Variants in ZFYVE9 observed in about 807,000 individuals in gnomAD.
The protein encoded by ZFYVE9 is zinc finger FYVE-type containing 9.
ZFYVE9 carries 43 observed loss-of-function variants against 126.7 expected under a neutral mutation model. The observed-to-expected ratio is 0.34, with a 90% CI of 0.27 to 0.44. ZFYVE9 has a LOEUF of 0.44. Ranked by LOEUF, ZFYVE9 falls within the 20% of genes least tolerant of loss-of-function variation. The pLI, the probability that ZFYVE9 is intolerant of heterozygous loss-of-function variation, is 1.00. For synonymous variants in ZFYVE9, 521 were observed against 597.4 expected (o/e 0.87, Z 1.87); for missense variants, 1,476 against 1,697.0 (o/e 0.87, Z 2.29).
intron 1 of ZFYVE9, among the ~76,000 whole-genome samples, chr1:52,145,879 A>T (rs1354414632): frequency 2.6e-5 from 4 of 152,082 alleles, no homozygotes; most frequent in African/African-American, 9.7e-5. Context: ...TATATAGGGT[A>T]CACTTGTTGC....
intron 1 of ZFYVE9, among the ~76,000 whole-genome samples, chr1:52,195,064 C>G (rs1644847886): frequency 6.6e-6 from 1 of 152,178 alleles, no homozygotes; most frequent in Non-Finnish European, 1.5e-5. Flanking sequence ...ACCTATACCT[C>G]TCTCCCTGCT....
chr1:52,180,516 G>C, intron 1 of ZFYVE9: 1 of 757,740 alleles, frequency 1.3e-6, no homozygotes, highest in Non-Finnish European at 2.3e-6. Flanking sequence ...GCAATGCTCT[G>C]TCCCCATGAA....
At chr1:52,213,583 T>C (rs905069258) in intron 1 of ZFYVE9, among the ~76,000 whole-genome samples, 3 of 151,230 alleles carry the variant, frequency 2.0e-5, no homozygotes, top group Non-Finnish European at 4.4e-5. Context: ...ACCCGGGAGG[T>C]GGAGGTTGCA....
At position 52,346,199 on chromosome 1, in the gene ZFYVE9, A is replaced by G; in HGVS notation, c.4256A>G (p.Tyr1419Cys). 2 of 1,604,050 alleles carry G rather than the reference A, an allele frequency of 1.2e-6. No homozygotes were observed. Among genetic ancestry groups the G allele is most frequent in the Non-Finnish European group, 1.7e-6 (2 of 1,174,922 alleles). ...EGPVVMELIF[Y>C]ILENIV ...CCCGTTGTCATGGAACTCATCTTTTATATTCTGGAAAACATCGTATAAACA... is the reference window on the plus strand; with the variant it reads ...CCCGTTGTCATGGAACTCATCTTTTGTATTCTGGAAAACATCGTATAAACA... Residue 1419 changes from tyrosine to cysteine, a missense_variant, in exon 19 of 19, where the codon TAT becomes TGT. Tyr to Cys is a radical substitution (Grantham distance 194). This residue lies in a region of ZFYVE9 where 669 missense variants were observed against 902.4 expected (regional missense o/e 0.74). Coordinates refer to ENST00000287727, the MANE Select transcript of ZFYVE9 (RefSeq NM_004799.4).
At chr1:52,340,855 C>T (rs1646429109) in intron 17 of ZFYVE9, among the ~76,000 whole-genome samples, 1 of 138,198 alleles carries the variant, frequency 7.2e-6, no homozygotes, top group African/African-American at 2.7e-5. Flanking sequence ...GAGCCGAGAT[C>T]ACGCCACTGC....
intron 15 of ZFYVE9, among the ~76,000 whole-genome samples, chr1:52,337,459 T>C (rs941957775): frequency 1.3e-5 from 2 of 152,218 alleles, no homozygotes; most frequent in Admixed American, 1.3e-4. Context: ...GGATGATAAA[T>C]GCAGGAGTGA....
At chr1:52,259,468 A>AT (rs1645556313) in intron 4 of ZFYVE9, among the ~76,000 whole-genome samples, 1 of 152,068 alleles carries the variant, frequency 6.6e-6, no homozygotes, top group Admixed American at 6.5e-5. Flanking sequence ...CCAATACAAC[A>AT]TTTAAAAAAT....
chr1:52,341,213 T>TC lies in ZFYVE9; in HGVS notation c.3939+984dup, dbSNP rs1646434352. ...CCAGCCTGGGCAACAAGAGCGAAAC[T>TC]CCGTCTCCAAAAACAAACAAACAAA... On this transcript the variant is annotated intron_variant, in intron 17 of 18. Transcript: ENST00000287727. Among the ~76,000 whole-genome samples, 3 of 152,208 alleles carry TC rather than the reference T, an allele frequency of 2.0e-5. No homozygotes were observed. In the South Asian group the frequency reaches 6.2e-4, roughly 31 times the overall value.
chr1:52,288,620 A>G (rs901318873), intron 10 of ZFYVE9, among the ~76,000 whole-genome samples: 5 of 152,080 alleles, frequency 3.3e-5, no homozygotes, highest in Admixed American at 2.6e-4. Context: ...TCATATTACC[A>G]CTTAGAAATT....
At chr1:52,328,461 C>A (rs1348160503) in intron 13 of ZFYVE9, among the ~76,000 whole-genome samples, 2 of 152,118 alleles carry the variant, frequency 1.3e-5, no homozygotes, top group Non-Finnish European at 2.9e-5. Flanking sequence ...CTTGTTGTAA[C>A]TGAGCATTAT....
At position 52,151,659 on chromosome 1, in the gene ZFYVE9, G is replaced by C. The variant is rs564043705; in HGVS notation, c.-143+9256G>C. ...GCCTCCCGAGTAGCTGGGACTACAGGCACCCACCACTACACCTGGCTAATT... is the reference window on the plus strand; with the variant it reads ...GCCTCCCGAGTAGCTGGGACTACAGCCACCCACCACTACACCTGGCTAATT... On this transcript the variant is annotated intron_variant, in intron 1 of 18. Transcript: ENST00000287727. Among the ~76,000 whole-genome samples the C allele has an allele frequency of 2.6e-5, 4 of 151,784 alleles. No individual in the cohort carries two copies. The East Asian group carries it at 7.8e-4, about 30-fold the overall frequency.
intron 1 of ZFYVE9, among the ~76,000 whole-genome samples, chr1:52,143,594 T>G (rs921033096): frequency 1.3e-5 from 2 of 152,210 alleles, no homozygotes; most frequent in Non-Finnish European, 2.9e-5. Context: ...CAGTACAGGT[T>G]TATAATGGGC....
intron 13 of ZFYVE9, among the ~76,000 whole-genome samples, chr1:52,304,793 A>ATT (rs551207041): frequency 2.1e-5 from 3 of 143,292 alleles, no homozygotes; most frequent in Admixed American, 7.1e-5. Context: ...TTTCCACGTG[A>ATT]TTTTTTTTTT....
At position 52,201,110 on chromosome 1, in the gene ZFYVE9, C is replaced by T. The variant is rs574056267; in HGVS notation, c.-142-15259C>T. Among the ~76,000 whole-genome samples the T allele has an allele frequency of 3.2e-3, 485 of 152,184 alleles. 2 individuals are homozygous for T. Among genetic ancestry groups the T allele is most frequent in the African/African-American group, 0.011 (452 of 41,528 alleles). On this transcript the variant is annotated intron_variant, in intron 1 of 18. Transcript: ENST00000287727. Reference sequence around the variant, plus strand: ...CTTGACAATATTAAGTCTTTCTGTTCGTGAACATGGAATATCTTTTCATTT... The same window carrying T: ...CTTGACAATATTAAGTCTTTCTGTTTGTGAACATGGAATATCTTTTCATTT...
intron 1 of ZFYVE9, among the ~76,000 whole-genome samples, chr1:52,183,481 A>T (rs568305972): frequency 1.3e-5 from 2 of 152,162 alleles, no homozygotes; most frequent in Non-Finnish European, 2.9e-5. Flanking sequence ...TTGAGTTATT[A>T]ATTTTATTCA....
At chr1:52,148,131 C>A (rs1344896073) in intron 1 of ZFYVE9, among the ~76,000 whole-genome samples, 1 of 151,874 alleles carries the variant, frequency 6.6e-6, no homozygotes, top group Non-Finnish European at 1.5e-5. Flanking sequence ...CTTTTACTTG[C>A]AGATGCATTG....
chr1:52,331,044 CT>C (rs1646336551), intron 13 of ZFYVE9, among the ~76,000 whole-genome samples: 1 of 151,656 alleles, frequency 6.6e-6, no homozygotes, highest in East Asian at 1.9e-4. Flanking sequence ...TTTTTTTGTA[CT>C]TTTAGTAGAG....
Position 52,142,885 on chromosome 1 carries a change from G to A in ZFYVE9, c.-143+482G>A, listed in dbSNP as rs145907056. Among the ~76,000 whole-genome samples, 234 of 152,260 alleles carry A rather than the reference G, an allele frequency of 1.5e-3. No individual in the cohort carries two copies. In the Middle Eastern group the frequency reaches 0.017, roughly 11 times the overall value. On this transcript the variant is annotated intron_variant, in intron 1 of 18. Transcript: ENST00000287727. The surrounding 1 kb of genome is among the most constrained non-coding windows in gnomAD (Gnocchi z 4.5). ...GGTGAGAATTGGGGGTGCAGAGAGT[G>A]CGGGACCAAGAGAGCCCCTGCTACT...
intron 4 of ZFYVE9, among the ~76,000 whole-genome samples, chr1:52,260,796 G>A (rs1002104349): frequency 6.6e-5 from 10 of 152,088 alleles, no homozygotes; most frequent in African/African-American, 1.9e-4. Flanking sequence ...CAGCCTGGGC[G>A]ACAGAGCAAG....
Sources: allele counts gnomAD v4.1 joint callset (sites outside exome capture counted in the v4.1 genomes callset), GRCh38; gene constraint gnomAD v4.1.1; regional missense constraint gnomAD v4.1.1; non-coding constraint Gnocchi (gnomAD v3.1); transcripts MANE v1.5; gene names NCBI Gene and HGNC (gene_info 2026-07-23, HGNC 2026-07-21).